The following DGKI variants were observed in gnomAD, a reference collection of about 807,000 sequenced individuals.
DGKI encodes the protein DAG kinase iota.
Under a neutral mutation model 147.5 loss-of-function variants are expected in DGKI, and 55 were observed. That is an observed-to-expected ratio of 0.37 (90% confidence interval 0.30 to 0.47). The LOEUF is 0.47. Ranked by LOEUF, DGKI falls within the 20% of genes least tolerant of loss-of-function variation. DGKI has a pLI of 1.00. For synonymous variants in DGKI, 469 were observed against 477.1 expected, an observed-to-expected ratio of 0.98 and a Z score of 0.22; for missense variants, 1,007 against 1,323.8, an observed-to-expected ratio of 0.76 and a Z score of 3.71.
At chr7:137,672,810 C>A (rs902890767) in intron 3 of DGKI, among the ~76,000 whole-genome samples, 3 of 76,548 alleles carry the variant, frequency 3.9e-5, no homozygotes, top group Non-Finnish European at 7.3e-5. Flanking sequence ...GAGGGAGTTT[C>A]GCTCTTTTTG....
chr7:137,580,851 C>T (rs1270276237), intron 15 of DGKI, among the ~76,000 whole-genome samples: 1 of 152,090 alleles, frequency 6.6e-6, no homozygotes, highest in Non-Finnish European at 1.5e-5. Flanking sequence ...ACACCACTTC[C>T]TTTCTTACAT....
chr7:137,454,024 T>C (rs774469965), intron 27 of DGKI, among the ~76,000 whole-genome samples: 32 of 152,070 alleles, frequency 2.1e-4, no homozygotes, highest in Non-Finnish European at 4.0e-4. Flanking sequence ...GGACGTATAA[T>C]TACAGTTCAG....
intron 12 of DGKI, among the ~76,000 whole-genome samples, chr7:137,591,564 CG>C (rs1175352852): frequency 3.3e-5 from 5 of 152,226 alleles, no homozygotes; most frequent in Non-Finnish European, 7.4e-5. Flanking sequence ...TGTGGGGCAC[CG>C]AGCTGAGCGG....
chr7:137,469,501 C>T (rs768274908), intron 24 of DGKI, 49 bp downstream of exon 24: 56 of 1,597,064 alleles, frequency 3.5e-5, no homozygotes, highest in Non-Finnish European at 1.8e-5. Flanking sequence ...ATGCCTTGCT[C>T]TTCAACTTCC....
intron 1 of DGKI, among the ~76,000 whole-genome samples, chr7:137,799,594 T>C (rs1202568224): frequency 6.6e-6 from 1 of 152,218 alleles, no homozygotes. Flanking sequence ...ATTTACTCTT[T>C]TAAAAGTGAT....
At chr7:137,520,288 G>T (rs927522232) in intron 21 of DGKI, among the ~76,000 whole-genome samples, 1 of 152,044 alleles carries the variant, frequency 6.6e-6, no homozygotes, top group Admixed American at 6.6e-5. Context: ...TTTAAGAACT[G>T]TTAGCTATTT....
chr7:137,619,057 AAGTCTT>A (rs1178962769), intron 8 of DGKI, among the ~76,000 whole-genome samples: 1 of 152,200 alleles, frequency 6.6e-6, no homozygotes, highest in East Asian at 1.9e-4. Context: ...TGCATTTGAT[AAGTCTT>A]CCTACAGTAC....
intron 3 of DGKI, among the ~76,000 whole-genome samples, chr7:137,677,547 G>A (rs529317853): frequency 6.6e-6 from 1 of 152,286 alleles, no homozygotes; most frequent in African/African-American, 2.4e-5. Context: ...CTTGGTTCTG[G>A]GACTTTGTGC....
chr7:137,493,765 G>T (rs1815859450), intron 21 of DGKI: 1 of 701,884 alleles, frequency 1.4e-6, no homozygotes, highest in South Asian at 1.5e-5. Flanking sequence ...AACTCAAAAA[G>T]CCAGAGAGTC....
intron 1 of DGKI, among the ~76,000 whole-genome samples, chr7:137,818,750 A>AT (rs1207691170): frequency 1.3e-5 from 2 of 151,900 alleles, no homozygotes; most frequent in South Asian, 2.1e-4. Context: ...CCCTCCCACC[A>AT]TTTTTTGCCC....
At chr7:137,826,182 T>G (rs1464208792) in intron 1 of DGKI, among the ~76,000 whole-genome samples, 1 of 152,242 alleles carries the variant, frequency 6.6e-6, no homozygotes, top group East Asian at 1.9e-4. Context: ...AATAATACTT[T>G]GATCTCAAAG....
At chr7:137,455,209 A>C (rs1211268881) in intron 27 of DGKI, among the ~76,000 whole-genome samples, 1 of 151,878 alleles carries the variant, frequency 6.6e-6, no homozygotes, top group Non-Finnish European at 1.5e-5. Context: ...ATCTCCTCCC[A>C]CCCCACCCTT....
At chr7:137,839,904 T>C (rs1798496174) in intron 1 of DGKI, among the ~76,000 whole-genome samples, 1 of 152,210 alleles carries the variant, frequency 6.6e-6, no homozygotes, top group South Asian at 2.1e-4. Flanking sequence ...TAGAAAGCTG[T>C]TGCCCTTAAA....
At chr7:137,810,842 G>A (rs1339932657) in intron 1 of DGKI, among the ~76,000 whole-genome samples, 1 of 151,970 alleles carries the variant, frequency 6.6e-6, no homozygotes, top group African/African-American at 2.4e-5. Flanking sequence ...GAACTGGTTA[G>A]GTGGCCCCAC....
At chr7:137,439,812 C>T (rs767957433) in intron 28 of DGKI, among the ~76,000 whole-genome samples, 37 of 152,182 alleles carry the variant, frequency 2.4e-4, no homozygotes, top group Non-Finnish European at 4.1e-4. Context: ...TAGAATGTGA[C>T]GGCCATAGTT....
chr7:137,660,693 A>G (rs928066624), intron 3 of DGKI, among the ~76,000 whole-genome samples: 8 of 151,956 alleles, frequency 5.3e-5, no homozygotes, highest in Non-Finnish European at 1.0e-4. Flanking sequence ...CAAGAAAGCT[A>G]TTTTTTTTCT....
At chr7:137,758,010 G>C (rs941837809) in intron 1 of DGKI, among the ~76,000 whole-genome samples, 1 of 152,172 alleles carries the variant, frequency 6.6e-6, no homozygotes, top group Non-Finnish European at 1.5e-5. Context: ...ATTTATGACA[G>C]TTTAGAACAA....
intron 1 of DGKI, among the ~76,000 whole-genome samples, chr7:137,727,664 A>G (rs571297196): frequency 6.6e-6 from 1 of 152,240 alleles, no homozygotes; most frequent in Non-Finnish European, 1.5e-5. Flanking sequence ...TTCATCAAAC[A>G]TTCAAATGAC....
At chr7:137,520,475 A>C (rs1184355436) in intron 21 of DGKI, among the ~76,000 whole-genome samples, 1 of 152,094 alleles carries the variant, frequency 6.6e-6, no homozygotes, top group African/African-American at 2.4e-5. Context: ...CACTTAGATT[A>C]GAAAATGTAA....
Sources: gnomAD v4.1 joint callset for allele counts (sites outside exome capture counted in the v4.1 genomes callset) on GRCh38, gnomAD v4.1.1 for gene constraint, MANE v1.5 for transcripts, NCBI Gene and HGNC (gene_info 2026-07-23, HGNC 2026-07-21) for gene names.